Variants in GRM1 observed in about 807,000 individuals in gnomAD.
The protein encoded by GRM1 is metabotropic glutamate receptor 1.
Under a neutral mutation model 90.9 loss-of-function variants are expected in GRM1, and 33 were observed. That is an observed-to-expected ratio of 0.36 (90% CI 0.28 to 0.49). GRM1 has a LOEUF of 0.49. Among genes scored for constraint, GRM1 ranks in the 20% least tolerant of loss-of-function variants. GRM1 has a pLI of 0.99. For missense variants in GRM1, 1,190 were observed against 1,534.3 expected (o/e 0.78, Z 3.75); for synonymous variants, 700 against 613.2 (o/e 1.14, Z -2.09).
intron 2 of GRM1, among the ~76,000 whole-genome samples, chr6:146,166,240 T>G (rs1331370522): frequency 6.6e-6 from 1 of 152,092 alleles, no homozygotes; most frequent in Admixed American, 6.6e-5. Flanking sequence ...TCAATACAAT[T>G]TCTTGGTCAG....
intron 2 of GRM1, among the ~76,000 whole-genome samples, chr6:146,182,965 G>T (rs1300340092): frequency 6.6e-6 from 1 of 151,968 alleles, no homozygotes; most frequent in Non-Finnish European, 1.5e-5. Context: ...ATAGAATTAG[G>T]GTATGAATTT....
chr6:146,046,717 T>G (rs915777078), intron 1 of GRM1, among the ~76,000 whole-genome samples: 13 of 152,006 alleles, frequency 8.6e-5, no homozygotes, highest in Non-Finnish European at 1.8e-4. Flanking sequence ...TAAGCAAATA[T>G]ATGTAAAAAA....
intron 5 of GRM1, 121 bp downstream of exon 5, chr6:146,357,815 C>T (rs545819604): frequency 1.8e-5 from 15 of 812,652 alleles, no homozygotes; most frequent in Admixed American, 1.0e-4. Context: ...GCCAGGCTTA[C>T]AGTTTTGGCT....
intron 3 of GRM1, among the ~76,000 whole-genome samples, chr6:146,323,634 G>T (rs1784288688): frequency 6.6e-6 from 1 of 152,248 alleles, no homozygotes; most frequent in East Asian, 1.9e-4. Context: ...TGTTGCCATT[G>T]CTTTTGGTGT....
rs928853280 is a variant in GRM1 at position 146,121,830 on chromosome 6, C to T, written c.701-37518C>T. ...TATAATTTCTGTTCTTTTACATTTG[C>T]TGAGCAGTGCTTTACTTCCAACTAT... is the stretch of plus-strand genomic sequence containing the variant. On this transcript the variant is annotated intron_variant, in intron 1 of 7. Coordinates refer to ENST00000282753, the MANE Select transcript of GRM1 (RefSeq NM_001278064.2). Among the ~76,000 whole-genome samples the T allele has an allele frequency of 2.0e-4, 31 of 152,168 alleles. 1 individual carries two copies. Among genetic ancestry groups the T allele is most frequent in the Admixed American group, 9.2e-4 (14 of 15,280 alleles).
chr6:146,054,208 T>A (rs1436287222), intron 1 of GRM1, among the ~76,000 whole-genome samples: 1 of 152,096 alleles, frequency 6.6e-6, no homozygotes, highest in African/African-American at 2.4e-5. Flanking sequence ...GTTTGATTTG[T>A]TCTGATTTAC....
intron 2 of GRM1, among the ~76,000 whole-genome samples, chr6:146,202,668 G>C (rs184632171): frequency 6.6e-6 from 1 of 152,216 alleles, no homozygotes. Context: ...ATCTTCAGGG[G>C]TCCTGAATTA....
At chr6:146,207,013 A>G (rs1171600671) in intron 2 of GRM1, among the ~76,000 whole-genome samples, 1 of 152,194 alleles carries the variant, frequency 6.6e-6, no homozygotes, top group African/African-American at 2.4e-5. Context: ...ATAGTATTCC[A>G]TGGAGTATAG....
intron 7 of GRM1, among the ~76,000 whole-genome samples, chr6:146,427,934 C>T (rs970251715): frequency 1.1e-4 from 16 of 152,130 alleles, no homozygotes; most frequent in Admixed American, 9.8e-4. Flanking sequence ...CTTGTCTTGT[C>T]CTGACAGCAG....
At chr6:146,078,163 C>T (rs565194809) in intron 1 of GRM1, among the ~76,000 whole-genome samples, 3 of 152,250 alleles carry the variant, frequency 2.0e-5, no homozygotes, top group Admixed American at 6.5e-5. Context: ...AATTTTCATA[C>T]GGGCTGGGAA....
chr6:146,049,816 T>A (rs1338829733), intron 1 of GRM1, among the ~76,000 whole-genome samples: 1 of 151,990 alleles, frequency 6.6e-6, no homozygotes, highest in Non-Finnish European at 1.5e-5. Context: ...TGCCAAACAC[T>A]GTGCAATTGT....
At chr6:146,197,875 T>G (rs964227157) in intron 2 of GRM1, among the ~76,000 whole-genome samples, 7 of 152,356 alleles carry the variant, frequency 4.6e-5, no homozygotes, top group African/African-American at 1.4e-4. Context: ...TATAAATTTC[T>G]TGTTAGAATA....
intron 3 of GRM1, among the ~76,000 whole-genome samples, chr6:146,305,170 C>T (rs953203608): frequency 2.0e-5 from 3 of 151,664 alleles, no homozygotes; most frequent in African/African-American, 7.3e-5. Flanking sequence ...AGACCTTAGC[C>T]ATAGACATAA....
chr6:146,300,099 C>T (rs1460850591), intron 2 of GRM1, among the ~76,000 whole-genome samples: 1 of 151,708 alleles, frequency 6.6e-6, no homozygotes, highest in Non-Finnish European at 1.5e-5. Context: ...TCGTCTTTTC[C>T]CTATTATATT....
At chr6:146,416,421 C>CA (rs199581459) in intron 7 of GRM1, among the ~76,000 whole-genome samples, 4 of 151,530 alleles carry the variant, frequency 2.6e-5, no homozygotes, top group Non-Finnish European at 4.4e-5. Flanking sequence ...ATAGAAATTA[C>CA]AAAAAAAATT....
chr6:146,305,941 G>T lies in GRM1; in HGVS notation c.1186+1095G>T, dbSNP rs530633317. On this transcript the variant is annotated intron_variant, in intron 3 of 7. Transcript: ENST00000282753. ...AATAGAGGACAACGAGTTTTTGCAG[G>T]GGATGGTAAGAATATGGCTAATTAC... 2.0e-5 allele frequency among the ~76,000 whole-genome samples: 3 copies of T among 152,170 alleles called. No homozygotes were observed. In the South Asian group the frequency reaches 6.2e-4, roughly 32 times the overall value.
At chr6:146,207,323 G>A (rs1181285935) in intron 2 of GRM1, among the ~76,000 whole-genome samples, 6 of 151,984 alleles carry the variant, frequency 3.9e-5, no homozygotes, top group Non-Finnish European at 8.8e-5. Flanking sequence ...GTTTTGATTT[G>A]CACTTCTTTA....
intron 2 of GRM1, among the ~76,000 whole-genome samples, chr6:146,197,640 A>AGACTTT (rs1779166420): frequency 6.6e-6 from 1 of 152,248 alleles, no homozygotes; most frequent in African/African-American, 2.4e-5. Flanking sequence ...AGACTTTATT[A>AGACTTT]TAAGAAATTA....
intron 2 of GRM1, among the ~76,000 whole-genome samples, chr6:146,195,059 T>A (rs1779068870): frequency 6.6e-6 from 1 of 152,198 alleles, no homozygotes; most frequent in Non-Finnish European, 1.5e-5. Flanking sequence ...TTACTCTAAA[T>A]GTTGATATCC....
Sources: gnomAD v4.1 joint callset for allele counts (sites outside exome capture counted in the v4.1 genomes callset) on GRCh38, gnomAD v4.1.1 for gene constraint, MANE v1.5 for transcripts, NCBI Gene and HGNC (gene_info 2026-07-23, HGNC 2026-07-21) for gene names.